The following TOGARAM1 variants were observed in gnomAD, a reference collection of about 807,000 sequenced individuals.
The protein encoded by TOGARAM1 is TOG array regulator of axonemal microtubules 1.
Under a neutral mutation model 166.6 loss-of-function variants are expected in TOGARAM1, and 100 were observed. The observed-to-expected ratio is 0.60, with a 90% CI of 0.51 to 0.71. The LOEUF is 0.71. Among genes scored for constraint, TOGARAM1 ranks in the 30% least tolerant of loss-of-function variants. The pLI, the probability that TOGARAM1 is intolerant of heterozygous loss-of-function variation, is 0.00. For missense variants in TOGARAM1, 2,029 were observed against 2,102.7 expected (o/e 0.96, Z 0.69); for synonymous variants, 758 against 763.8 (o/e 0.99, Z 0.13).
At chr14:45,035,292 G>A (rs941782673) in intron 11 of TOGARAM1, among the ~76,000 whole-genome samples, 3 of 151,932 alleles carry the variant, frequency 2.0e-5, no homozygotes, top group South Asian at 2.1e-4. Context: ...CCCGGGAGGC[G>A]GAGGTTGCAG....
At chr14:45,062,490 T>C (rs1882941339) in intron 16 of TOGARAM1, among the ~76,000 whole-genome samples, 1 of 152,168 alleles carries the variant, frequency 6.6e-6, no homozygotes, top group Non-Finnish European at 1.5e-5. Flanking sequence ...GGAGACGTAA[T>C]TCACCTACTA....
At chr14:45,011,814 T>C (rs200605981) in intron 6 of TOGARAM1, 161 bp from the exon 7 acceptor site, 1 of 538,700 alleles carries the variant, frequency 1.9e-6, no homozygotes, top group Non-Finnish European at 3.3e-6. Flanking sequence ...TGTGTGTGTA[T>C]ACACACACAC....
intron 3 of TOGARAM1, among the ~76,000 whole-genome samples, chr14:45,001,552 A>C (rs530191014): frequency 6.6e-6 from 1 of 152,354 alleles, no homozygotes; most frequent in South Asian, 2.1e-4. Flanking sequence ...CAAACAATTC[A>C]ATAGCAAAAA....
intron 1 of TOGARAM1, among the ~76,000 whole-genome samples, chr14:44,969,005 G>A (rs758464596): frequency 6.6e-6 from 1 of 152,102 alleles, no homozygotes; most frequent in Non-Finnish European, 1.5e-5. Flanking sequence ...CATACTTGGA[G>A]TTATACAGTA....
At chr14:45,012,768 C>A (rs570231641) in intron 7 of TOGARAM1, among the ~76,000 whole-genome samples, 1 of 152,234 alleles carries the variant, frequency 6.6e-6, no homozygotes, top group East Asian at 1.9e-4. Context: ...ATATTATAAT[C>A]ACCTTCCTAA....
chr14:45,015,174 G>A (rs1026404222), intron 7 of TOGARAM1, among the ~76,000 whole-genome samples: 19 of 151,812 alleles, frequency 1.3e-4, no homozygotes, highest in Middle Eastern at 3.4e-3. Context: ...GAATGGTGGC[G>A]TGCGCCTGTA....
intron 16 of TOGARAM1, among the ~76,000 whole-genome samples, chr14:45,057,104 A>G (rs1441871582): frequency 6.6e-6 from 1 of 151,792 alleles, no homozygotes; most frequent in Non-Finnish European, 1.5e-5. Flanking sequence ...CAATCTTGGG[A>G]GGTTGTATGT....
At chr14:44,977,388 C>T (rs1445117775) in intron 1 of TOGARAM1, among the ~76,000 whole-genome samples, 7 of 151,946 alleles carry the variant, frequency 4.6e-5, no homozygotes, top group Non-Finnish European at 1.0e-4. Flanking sequence ...GCACCCGCCA[C>T]CATGCCCAGC....
chr14:44,964,774 G>C lies in TOGARAM1; in HGVS notation c.2046+307G>C, dbSNP rs1885420661. Among the ~76,000 whole-genome samples the C allele has an allele frequency of 1.3e-5, 2 of 152,108 alleles. 1 individual carries two copies. Among genetic ancestry groups the C allele is most frequent in the South Asian group, 4.1e-4 (2 of 4,822 alleles). On this transcript the variant is annotated intron_variant, in intron 1 of 19. Transcript: ENST00000361462. ...TCATACAACAAACATTGAATACCTA[G>C]TACGTGCCAGATAAAGAGCTAAATT...
At chr14:45,008,269 C>G (rs1440859656) in intron 5 of TOGARAM1, 1 of 144,168 alleles carries the variant, frequency 6.9e-6, no homozygotes, top group Admixed American at 7.0e-5. Context: ...AACAGAGTCT[C>G]GCTGTGTTGC....
intron 11 of TOGARAM1, among the ~76,000 whole-genome samples, chr14:45,041,846 C>T (rs1202844610): frequency 1.3e-5 from 2 of 152,176 alleles, no homozygotes; most frequent in South Asian, 2.1e-4. Context: ...ACTGCAGCCT[C>T]GACCTCTGTG....
At chr14:45,001,879 GT>G (rs1241861221) in intron 3 of TOGARAM1, among the ~76,000 whole-genome samples, 5 of 152,150 alleles carry the variant, frequency 3.3e-5, no homozygotes, top group Non-Finnish European at 7.4e-5. Context: ...TTGGAGACCG[GT>G]TATCAGTCAG....
At chr14:45,016,607 G>A (rs1880155724) in intron 7 of TOGARAM1, among the ~76,000 whole-genome samples, 1 of 152,278 alleles carries the variant, frequency 6.6e-6, no homozygotes, top group East Asian at 1.9e-4. Context: ...TTGTTGCCCA[G>A]GCTGGCCTTG....
intron 1 of TOGARAM1, among the ~76,000 whole-genome samples, chr14:44,969,807 G>A (rs971654540): frequency 3.9e-5 from 6 of 152,134 alleles, no homozygotes; most frequent in African/African-American, 1.2e-4. Flanking sequence ...TGACAACACT[G>A]TCTTTACTCC....
chr14:45,030,401 A>G (rs1022191208), intron 10 of TOGARAM1, among the ~76,000 whole-genome samples: 3 of 152,202 alleles, frequency 2.0e-5, no homozygotes, highest in South Asian at 4.1e-4. Flanking sequence ...TATACTACTA[A>G]TAATTACTAT....
intron 7 of TOGARAM1, among the ~76,000 whole-genome samples, chr14:45,018,715 G>T (rs1292420941): frequency 1.3e-5 from 2 of 152,058 alleles, no homozygotes; most frequent in Non-Finnish European, 1.5e-5. Context: ...TGTTCTGTTT[G>T]GCAGCAATAA....
chr14:45,058,008 T>C (rs1417906957), intron 16 of TOGARAM1, among the ~76,000 whole-genome samples: 1 of 152,210 alleles, frequency 6.6e-6, no homozygotes, highest in Middle Eastern at 3.2e-3. Context: ...ATTTTCTGTC[T>C]CAATAATCTG....
At chr14:45,022,664 TTTC>T (rs145238715) in intron 7 of TOGARAM1, among the ~76,000 whole-genome samples, 6,017 of 152,014 alleles carry the variant, frequency 0.04, 201 homozygotes, top group East Asian at 0.12. Flanking sequence ...TCCCCATTCA[TTTC>T]TTCTTCTGAG....
At position 45,054,558 on chromosome 14, in the gene TOGARAM1, A is replaced by C; in HGVS notation, c.4559+9A>C. 1 of 1,553,224 alleles carries C rather than the reference A, an allele frequency of 6.4e-7. No individual in the cohort carries two copies. The highest frequency in any genetic ancestry group is 1.7e-5 in the Admixed American group (1 of 59,196). On this transcript the variant is annotated intron_variant, in intron 16 of 19. Coordinates refer to ENST00000361462, the MANE Select transcript of TOGARAM1 (RefSeq NM_001308120.2). ...TTCAATTCAGCTGAAAGGTAAGATGATGTAATAGTCCTCATCAGAGAAATT... is the reference window on the plus strand; with the variant it reads ...TTCAATTCAGCTGAAAGGTAAGATGCTGTAATAGTCCTCATCAGAGAAATT...
Sources: allele counts gnomAD v4.1 joint callset (sites outside exome capture counted in the v4.1 genomes callset), GRCh38; gene constraint gnomAD v4.1.1; transcripts MANE v1.5; gene names NCBI Gene and HGNC (gene_info 2026-07-23, HGNC 2026-07-21).